Variants in PDIA5 observed in about 807,000 individuals in gnomAD.
The protein encoded by PDIA5 is protein disulfide-isomerase A5.
A neutral mutation model predicts 77.6 loss-of-function variants in PDIA5; 58 were observed. That is an observed-to-expected ratio of 0.75 (90% CI 0.61 to 0.93). The LOEUF (loss-of-function observed/expected upper bound fraction) is 0.93, where lower values mean the gene tolerates loss of function less well. Among genes scored for constraint, PDIA5 ranks in the 40% least tolerant of loss-of-function variants. The probability of loss-of-function intolerance (pLI) is 0.00; values close to 1 mark genes in which losing one functional copy is unlikely to be tolerated. For synonymous variants in PDIA5, 250 were observed against 252.1 expected, an observed-to-expected ratio of 0.99 and a Z score of 0.08; for missense variants, 630 against 647.7, an observed-to-expected ratio of 0.97 and a Z score of 0.30.
chr3:123,092,416 A>G lies in PDIA5; in HGVS notation c.231A>G (p.Gln77=). 1 of 1,613,742 alleles carries G rather than the reference A, an allele frequency of 6.2e-7. No homozygotes were observed. The highest frequency in any genetic ancestry group is 2.2e-5 in the East Asian group (1 of 44,856). ...CAGTGGCCCAGGCGGTGAAAGGACA[A>G]GGGACCATCTGCTGGGTGGACTGTG... ...LSTVAQAVKG[Q]GTICWVDCGD... is the part of the protein sequence containing the mutation. The change falls in exon 3 of 17, where the codon CAA becomes CAG. Residue 77 remains glutamine (Q), a synonymous_variant. Transcript: ENST00000316218.
At position 123,079,521 on chromosome 3, in the gene PDIA5, C is replaced by T. The variant is rs991609823; in HGVS notation, c.43-9647C>T. Among the ~76,000 whole-genome samples the T allele has an allele frequency of 3.9e-5, 6 of 152,262 alleles. No individual in the cohort carries two copies. The East Asian group carries it at 1.2e-3, about 29-fold the overall frequency. On this transcript the variant is annotated intron_variant, in intron 1 of 16. Transcript: ENST00000316218. ...TTAAAAACACCATTTAAATAAAATACCATCTAAATGGCTTATTCTTCTATT... is the reference window on the plus strand; with the variant it reads ...TTAAAAACACCATTTAAATAAAATATCATCTAAATGGCTTATTCTTCTATT...
intron 1 of PDIA5, 143 bp downstream of exon 1, chr3:123,067,349 G>A (rs1933595158): frequency 1.4e-6 from 1 of 702,982 alleles, no homozygotes; most frequent in East Asian, 3.4e-5. Flanking sequence ...CAGGCAGGCG[G>A]GCACTGGGTG....
intron 7 of PDIA5, among the ~76,000 whole-genome samples, chr3:123,113,949 G>A (rs1934932360): frequency 6.6e-6 from 1 of 152,200 alleles, no homozygotes; most frequent in South Asian, 2.1e-4. Flanking sequence ...GGAATCAGCT[G>A]GAAGATAAAC....
chr3:123,067,119 G>A lies in PDIA5; in HGVS notation c.-46G>A. The A allele has an allele frequency of 8.1e-7, 1 of 1,237,956 alleles. No individual in the cohort carries two copies. Among genetic ancestry groups the A allele is most frequent in the Non-Finnish European group, 1.0e-6 (1 of 988,148 alleles). 76.7% of individuals were successfully genotyped at this position (1,237,956 alleles called of 1,614,324 possible). The stretch of plus-strand genomic sequence containing the variant: ...GCTAGCAGGCGGGCGGGCGGGAGCG[G>A]GCGCCGGAGTGGAGAAAGGAGCCAG... On this transcript the variant is annotated 5_prime_UTR_variant, in exon 1 of 17. Coordinates refer to ENST00000316218, the MANE Select transcript of PDIA5 (RefSeq NM_006810.4).
chr3:123,088,776 A>C (rs1197326815), intron 1 of PDIA5, among the ~76,000 whole-genome samples: 1 of 152,228 alleles, frequency 6.6e-6, no homozygotes. Context: ...ATGATACCAA[A>C]TACAATATAA....
intron 13 of PDIA5, 40 bp from the exon 14 acceptor site, chr3:123,150,194 C>G: frequency 1.3e-6 from 2 of 1,549,764 alleles, no homozygotes; most frequent in Non-Finnish European, 1.8e-6. Context: ...CTAAAAATCT[C>G]TCCTTATGGC....
chr3:123,086,296 G>C (rs1934136683), intron 1 of PDIA5, among the ~76,000 whole-genome samples: 1 of 152,176 alleles, frequency 6.6e-6, no homozygotes. Flanking sequence ...TCCCACGAGG[G>C]AAGTATCATT....
chr3:123,124,001 G>A (rs1036136151), intron 8 of PDIA5, 65 bp from the exon 9 acceptor site: 2 of 961,658 alleles, frequency 2.1e-6, no homozygotes, highest in Admixed American at 1.7e-5. Context: ...TGGACAGATG[G>A]CGTGTGGACT....
At position 123,130,496 on chromosome 3, in the gene PDIA5, C is replaced by A. The variant is rs1165976807; in HGVS notation, c.790C>A (p.Pro264Thr). The A allele has an allele frequency of 1.2e-6, 2 of 1,613,952 alleles. No homozygotes were observed. Among genetic ancestry groups the A allele is most frequent in the Non-Finnish European group, 1.7e-6 (2 of 1,179,866 alleles). The change falls in exon 11 of 17, where the codon CCC becomes ACC. Residue 264 changes from proline to threonine, a missense_variant. Coordinates refer to ENST00000316218, the MANE Select transcript of PDIA5 (RefSeq NM_006810.4). ...GTCTTCCAGTCCGCAGCCGCCACAG[C>A]CCCAGGTCCCTGAGACTCCCTGGGC... The part of the protein sequence containing the change: ...EWLKNPQPPQ[P>T]QVPETPWADE...
chr3:123,133,973 T>A lies in PDIA5; in HGVS notation c.910+3357T>A, dbSNP rs531548023. ...TTTCTTTGCAGTGTTGTTTGTTTTCTTTTCTTTTCTTTTCCTTTTCTTTTC... is the reference window on the plus strand; with the variant it reads ...TTTCTTTGCAGTGTTGTTTGTTTTCATTTCTTTTCTTTTCCTTTTCTTTTC... On this transcript the variant is annotated intron_variant, in intron 11 of 16. Transcript: ENST00000316218. 7.4e-5 allele frequency among the ~76,000 whole-genome samples: 11 copies of A among 149,326 alleles called. No homozygotes were observed. In the East Asian group the frequency reaches 2.0e-3, roughly 27 times the overall value.
intron 1 of PDIA5, among the ~76,000 whole-genome samples, chr3:123,082,764 C>T (rs1934041911): frequency 6.6e-6 from 1 of 152,186 alleles, no homozygotes; most frequent in Non-Finnish European, 1.5e-5. Context: ...CATCTCTCCC[C>T]TCATGTAGTC....
At chr3:123,155,095 T>C in intron 15 of PDIA5, 54 bp downstream of exon 15, 1 of 1,222,384 alleles carries the variant, frequency 8.2e-7, no homozygotes, top group Non-Finnish European at 1.2e-6. Context: ...TCCTACACCT[T>C]CCTTCTTGTC....
intron 14 of PDIA5, among the ~76,000 whole-genome samples, chr3:123,154,611 G>A (rs561193789): frequency 1.8e-4 from 27 of 152,232 alleles, no homozygotes; most frequent in African/African-American, 5.1e-4. Flanking sequence ...AGATTGTAGC[G>A]GCTCTGAGAA....
intron 15 of PDIA5, among the ~76,000 whole-genome samples, chr3:123,158,367 G>A (rs1936069003): frequency 6.6e-6 from 1 of 152,164 alleles, no homozygotes; most frequent in Non-Finnish European, 1.5e-5. Flanking sequence ...AACAGGCATT[G>A]TCAGAGTTTG....
rs984668279 is a variant in PDIA5 at position 123,121,579 on chromosome 3, C to T, written c.610-2487C>T. 2.0e-5 allele frequency among the ~76,000 whole-genome samples: 3 copies of T among 152,146 alleles called. No homozygotes were observed. In the East Asian group the frequency reaches 5.8e-4, roughly 29 times the overall value. On this transcript the variant is annotated intron_variant, in intron 8 of 16. Transcript: ENST00000316218. ...GCTCACCCCAAGCGAAGGTGGTTTG[C>T]AAAGGCTGCCCAGAGACGTGAGGTT...
chr3:123,127,913 G>C (rs1935280867), intron 10 of PDIA5, among the ~76,000 whole-genome samples: 1 of 152,160 alleles, frequency 6.6e-6, no homozygotes, highest in Non-Finnish European at 1.5e-5. Context: ...TTGGGTGCAG[G>C]AGTTAGTAAA....
At chr3:123,106,186 A>G (rs1934727100) in intron 5 of PDIA5, among the ~76,000 whole-genome samples, 1 of 152,234 alleles carries the variant, frequency 6.6e-6, no homozygotes, top group Non-Finnish European at 1.5e-5. Context: ...GACCTCACTC[A>G]TTCATATACA....
intron 15 of PDIA5, among the ~76,000 whole-genome samples, chr3:123,157,647 T>C (rs1252381873): frequency 6.6e-6 from 1 of 152,222 alleles, no homozygotes; most frequent in Non-Finnish European, 1.5e-5. Context: ...TCCATTTTCA[T>C]AGCCAAAGTC....
intron 13 of PDIA5, among the ~76,000 whole-genome samples, chr3:123,149,985 G>A (rs1358189317): frequency 1.3e-5 from 2 of 152,188 alleles, no homozygotes. Flanking sequence ...ACCTGAAATG[G>A]TGTCAAGTCT....
Sources: gnomAD v4.1 joint callset for allele counts (sites outside exome capture counted in the v4.1 genomes callset) on GRCh38, gnomAD v4.1.1 for gene constraint, MANE v1.5 for transcripts, NCBI Gene and HGNC (gene_info 2026-07-23, HGNC 2026-07-21) for gene names.